The following FANCM variants were observed in gnomAD, a reference collection of about 807,000 sequenced individuals.
The protein encoded by FANCM is FA complementation group M, also known as Fanconi anemia group M protein.
A neutral mutation model predicts 199.5 loss-of-function variants in FANCM; 140 were observed. That is an observed-to-expected ratio of 0.70 (90% CI 0.61 to 0.81). FANCM has a LOEUF of 0.81. FANCM is among the 30% of genes least tolerant of loss of function. FANCM has a pLI of 0.00. For synonymous variants in FANCM, 840 were observed against 836.8 expected (o/e 1.00, Z -0.07); for missense variants, 2,410 against 2,421.4 (o/e 1.00, Z 0.10).
chr14:45,173,320 G>C lies in FANCM; in HGVS notation c.2316+110G>C, dbSNP rs557230689. The C allele has an allele frequency of 3.3e-4, 325 of 970,740 alleles. 8 individuals carry two copies. In the South Asian group the frequency reaches 4.0e-3, roughly 12 times the overall value. 60.1% of individuals were successfully genotyped at this position (970,740 alleles called of 1,614,324 possible). On this transcript the variant is annotated intron_variant, in intron 13 of 22. Coordinates refer to ENST00000267430, the MANE Select transcript of FANCM (RefSeq NM_020937.4). ...AAGAAATACTTTGTTTTTCTGTATA[G>C]TTCCTTGTGATCTCAGTAAAGAATG...
Position 45,158,438 on chromosome 14 carries a change from C to T in FANCM, c.1397-658C>T, listed in dbSNP as rs997601755. ...CTGCCCGCCACCCCCCTACCTCACC[C>T]GCCCCCCAGCACAGACATATCGGGA... is the stretch of plus-strand genomic sequence containing the variant. On this transcript the variant is annotated intron_variant, in intron 8 of 22. Coordinates refer to ENST00000267430, the MANE Select transcript of FANCM (RefSeq NM_020937.4). Among the ~76,000 whole-genome samples, 8 of 146,556 alleles carry T rather than the reference C, an allele frequency of 5.5e-5. No individual in the cohort carries two copies. The South Asian group carries it at 1.2e-3, about 22-fold the overall frequency.
chr14:45,171,137 CTTT>C (rs1312332875), intron 12 of FANCM, among the ~76,000 whole-genome samples: 2 of 139,152 alleles, frequency 1.4e-5, no homozygotes, highest in Non-Finnish European at 1.6e-5. Flanking sequence ...TTCTTTTCAA[CTTT>C]TTTTTTTTTT....
rs572955954 is a variant in FANCM at position 45,188,843 on chromosome 14, T to C, written c.4821T>C (p.Cys1607=). 1.9e-6 allele frequency: 3 copies of C among 1,613,494 alleles called. No homozygotes were observed. Among genetic ancestry groups the C allele is most frequent in the Non-Finnish European group, 2.5e-6 (3 of 1,179,838 alleles). The change falls in exon 20 of 23, where the codon TGT becomes TGC. Residue 1607 remains cysteine, a synonymous_variant. Transcript: ENST00000267430. ...AAACCTATTTAGAGGATAGTTTTTG[T>C]GTTGATGAAGAGGAGTCTTGCAAAG... ...QDETYLEDSF[C]VDEEESCKGQ...
At chr14:45,181,281 G>C in intron 14 of FANCM, 149 bp from the exon 15 acceptor site, 1 of 560,996 alleles carries the variant, frequency 1.8e-6, no homozygotes. Context: ...TTTTTGTTCA[G>C]AGTTCTCCAA....
chr14:45,161,367 C>A (rs1358701624), intron 9 of FANCM, among the ~76,000 whole-genome samples: 1 of 152,074 alleles, frequency 6.6e-6, no homozygotes, highest in Non-Finnish European at 1.5e-5. Flanking sequence ...TTGGGGGGGC[C>A]AGATCCTTTA....
At position 45,196,152 on chromosome 14, in the gene FANCM, A is replaced by C. The variant is rs1021759657; in HGVS notation, c.5341-20A>C. 6 of 1,613,856 alleles carry C rather than the reference A, an allele frequency of 3.7e-6. No individual in the cohort carries two copies. The highest frequency in any genetic ancestry group is 1.1e-5 in the South Asian group (1 of 91,082). ...TTATGCATTTAACCTGAATGTGACC[A>C]GTGTTTTCCACTTTTTCAGGATGGT... On this transcript the variant is annotated intron_variant, in intron 20 of 22. Transcript: ENST00000267430.
chr14:45,180,156 A>G (rs573904141), intron 14 of FANCM, among the ~76,000 whole-genome samples: 1 of 152,314 alleles, frequency 6.6e-6, no homozygotes, highest in South Asian at 2.1e-4. Flanking sequence ...TGCATAGCAA[A>G]CTACCTGCAA....
At chr14:45,141,999 T>G (rs1566723416) in intron 3 of FANCM, among the ~76,000 whole-genome samples, 2 of 152,120 alleles carry the variant, frequency 1.3e-5, no homozygotes, top group African/African-American at 4.8e-5. Context: ...TTAAAAGTTG[T>G]TACTGTTTTC....
intron 10 of FANCM, among the ~76,000 whole-genome samples, chr14:45,165,705 A>C (rs931484642): frequency 2.0e-5 from 3 of 152,196 alleles, no homozygotes; most frequent in African/African-American, 7.2e-5. Context: ...ATGTTTGGTA[A>C]AAGGCCGTGT....
rs200261457 is a variant in FANCM, at chr14:45,192,642, C to CA, written c.5340+3289dup. ...TGTGCAACATAGCGAGACTCCATCT[C>CA]AAAAAAAAAGAAAAACCAAACAAAA... On this transcript the variant is annotated intron_variant, in intron 20 of 22. Coordinates refer to ENST00000267430, the MANE Select transcript of FANCM (RefSeq NM_020937.4). Among the ~76,000 whole-genome samples, 1,223 of 149,880 alleles carry CA rather than the reference C, an allele frequency of 8.2e-3. 19 individuals carry two copies. The highest frequency in any genetic ancestry group is 0.029 in the African/African-American group (1,167 of 40,932).
chr14:45,170,497 A>C (rs776557951), intron 11 of FANCM, 92 bp from the exon 12 acceptor site: 1 of 903,920 alleles, frequency 1.1e-6, no homozygotes, highest in Non-Finnish European at 1.8e-6. Context: ...TTGCACTCCA[A>C]CCTGGGTGAC....
chr14:45,184,691 T>A (rs1889281085), intron 17 of FANCM, among the ~76,000 whole-genome samples: 2 of 147,130 alleles, frequency 1.4e-5, no homozygotes, highest in African/African-American at 2.5e-5. Flanking sequence ...ATCAAGCAAA[T>A]ATACCAACTT....
intron 3 of FANCM, among the ~76,000 whole-genome samples, chr14:45,143,551 G>A (rs1183351394): frequency 6.6e-6 from 1 of 151,664 alleles, no homozygotes; most frequent in Non-Finnish European, 1.5e-5. Context: ...GTATTTTTTC[G>A]GCCCAGCCAT....
chr14:45,136,178 G>T lies in FANCM; in HGVS notation c.147G>T (p.Gln49His). 1 of 1,614,224 alleles carries T rather than the reference G, an allele frequency of 6.2e-7. No individual in the cohort carries two copies. The highest frequency in any genetic ancestry group is 8.5e-7 in the Non-Finnish European group (1 of 1,180,042). The change falls in exon 1 of 23, where the codon CAG becomes CAT. Residue 49 changes from glutamine to histidine, a missense_variant. Coordinates refer to ENST00000267430, the MANE Select transcript of FANCM (RefSeq NM_020937.4). ...CTTTGCCAGCAGCAGCGGAGGCTCAGCTGGAGTCGGACGATGATGTGTTGC... is the reference window on the plus strand; with the variant it reads ...CTTTGCCAGCAGCAGCGGAGGCTCATCTGGAGTCGGACGATGATGTGTTGC... ...KAPLPAAAEA[Q>H]LESDDDVLLV...
chr14:45,178,681 T>C (rs1413882795), intron 14 of FANCM, among the ~76,000 whole-genome samples: 2 of 152,306 alleles, frequency 1.3e-5, no homozygotes, highest in East Asian at 1.9e-4. Context: ...AGTTGATTTA[T>C]ATATTGTTCA....
In FANCM at chr14:45,148,922, A is replaced by G. The variant is rs1423902915; in HGVS notation, c.845A>G (p.His282Arg). 4 of 1,604,058 alleles carry G rather than the reference A, an allele frequency of 2.5e-6. No homozygotes were observed. Among genetic ancestry groups the G allele is most frequent in the Non-Finnish European group, 3.4e-6 (4 of 1,170,870 alleles). ...TCTCCAGATATTTTGACATATTCTC[A>G]TGAAAGAAAAGTTGAAAAGCTTATT... Reference protein sequence around the residue: ...EDSPDILTYSHERKVEKLIVP... With the variant: ...EDSPDILTYSRERKVEKLIVP... The change falls in exon 4 of 23, where the codon CAT (histidine) becomes CGT (arginine). Residue 282 changes from histidine to arginine, a missense_variant. Physicochemically the swap from His to Arg is conservative, Grantham distance 29. Coordinates refer to ENST00000267430, the MANE Select transcript of FANCM (RefSeq NM_020937.4).
chr14:45,136,501 T>C lies in FANCM; in HGVS notation c.470T>C (p.Val157Ala). The C allele has an allele frequency of 6.2e-7, 1 of 1,614,124 alleles. No homozygotes were observed. Among genetic ancestry groups the C allele is most frequent in the South Asian group, 1.1e-5 (1 of 91,084 alleles). The change falls in exon 1 of 23, where the codon GTG (valine) becomes GCG (alanine). Residue 157 changes from valine (V) to alanine (A), a missense_variant. Val to Ala is a moderately conservative substitution (Grantham distance 64, BLOSUM62 0). Transcript: ENST00000267430. Reference protein sequence around the residue: ...VTQQIEACYQVMGIPQSHMAE... With the variant: ...VTQQIEACYQAMGIPQSHMAE... ...CAGCAGATCGAGGCTTGCTACCAGGTGATGGGTATCCCGCAATCCCACATG... is the reference window on the plus strand; with the variant it reads ...CAGCAGATCGAGGCTTGCTACCAGGCGATGGGTATCCCGCAATCCCACATG...
rs369614103 is a variant in FANCM at position 45,176,379 on chromosome 14, G to A, written c.3625G>A (p.Val1209Ile). 31 of 1,612,874 alleles carry A rather than the reference G, an allele frequency of 1.9e-5. No individual in the cohort carries two copies. Among genetic ancestry groups the A allele is most frequent in the Non-Finnish European group, 2.6e-5 (31 of 1,179,758 alleles). Residue 1209 changes from valine (V) to isoleucine (I), a missense_variant, in exon 14 of 23, where the codon GTA becomes ATA. Transcript: ENST00000267430. ...TTTTAAATCTCGTGATCAGAGAGGT[G>A]TACAGGAAGAAAAAGTGAAGAATCA... ...NSFKSRDQRG[V>I]QEEKVKNHED... is the part of the protein sequence containing the mutation.
chr14:45,146,484 CT>C (rs916268733), intron 3 of FANCM, among the ~76,000 whole-genome samples: 5 of 151,564 alleles, frequency 3.3e-5, no homozygotes, highest in East Asian at 1.9e-4. Context: ...TTCTTCTATC[CT>C]TTTTTTTGAT....
Sources: allele counts gnomAD v4.1 joint callset (sites outside exome capture counted in the v4.1 genomes callset), GRCh38; gene constraint gnomAD v4.1.1; transcripts MANE v1.5; gene names NCBI Gene and HGNC (gene_info 2026-07-23, HGNC 2026-07-21).